The following KIAA1328 variants were observed in gnomAD, a reference collection of about 807,000 sequenced individuals.
KIAA1328 encodes the protein protein hinderin.
A neutral mutation model predicts 68.1 loss-of-function variants in KIAA1328; 52 were observed. The ratio of observed to expected loss-of-function variants is 0.76; its 90% CI spans 0.61 to 0.96. KIAA1328 has a LOEUF of 0.96. KIAA1328 is among the 40% of genes least tolerant of loss of function. The pLI is 0.00. For synonymous variants in KIAA1328, 232 were observed against 239.4 expected (o/e 0.97, Z 0.28); for missense variants, 641 against 677.6 (o/e 0.95, Z 0.60).
At chr18:37,227,748 G>A (rs142176686), downstream of KIAA1328, among the ~76,000 whole-genome samples, 158 of 152,306 alleles carry the variant, frequency 1.0e-3, 2 homozygotes, top group African/African-American at 3.8e-3. Flanking sequence ...TTGTTTTCAT[G>A]CCTCCTAACA....
intron 6 of KIAA1328, among the ~76,000 whole-genome samples, chr18:37,019,263 A>T (rs1314571667): frequency 6.7e-6 from 1 of 149,758 alleles, no homozygotes; most frequent in African/African-American, 2.5e-5. Context: ...GGCAGGTTTT[A>T]TATTTGGCTG....
chr18:37,042,202 A>G (rs776719249), intron 6 of KIAA1328, among the ~76,000 whole-genome samples: 3 of 152,118 alleles, frequency 2.0e-5, no homozygotes, highest in Non-Finnish European at 2.9e-5. Flanking sequence ...CTAGCCATAT[A>G]TTTATGTTAT....
intron 7 of KIAA1328, chr18:37,075,576 T>C (rs926984695): frequency 6.6e-6 from 1 of 152,142 alleles, no homozygotes; most frequent in African/African-American, 2.4e-5. Context: ...GTGTGCTGTT[T>C]TCAGGAAACC....
intron 5 of KIAA1328, among the ~76,000 whole-genome samples, chr18:36,949,405 C>T (rs1406122497): frequency 1.3e-5 from 2 of 152,108 alleles, no homozygotes; most frequent in South Asian, 2.1e-4. Context: ...TCTGGTCCAT[C>T]TGGCACATTG....
chr18:37,061,696 G>A (rs774351789), intron 6 of KIAA1328, among the ~76,000 whole-genome samples: 1 of 152,124 alleles, frequency 6.6e-6, no homozygotes, highest in Non-Finnish European at 1.5e-5. Flanking sequence ...TTACTTCCTT[G>A]TGTCCTAAAG....
At chr18:37,036,987 T>C (rs979365492) in intron 6 of KIAA1328, among the ~76,000 whole-genome samples, 2 of 152,182 alleles carry the variant, frequency 1.3e-5, no homozygotes, top group Non-Finnish European at 2.9e-5. Context: ...AAAATTTTCT[T>C]GTAGTAATTT....
intron 7 of KIAA1328, among the ~76,000 whole-genome samples, chr18:37,087,198 G>T (rs2057129664): frequency 6.6e-6 from 1 of 151,616 alleles, no homozygotes; most frequent in African/African-American, 2.4e-5. Context: ...AGCTAGGACT[G>T]CAGGTGCATG....
rs376712393 is a variant in KIAA1328, at chr18:36,975,663, C to T, written c.576+16228C>T. 5.9e-5 allele frequency among the ~76,000 whole-genome samples: 9 copies of T among 152,288 alleles called. No homozygotes were observed. The South Asian group carries it at 1.7e-3, about 28-fold the overall frequency. On this transcript the variant is annotated intron_variant, in intron 6 of 9. Coordinates refer to ENST00000280020, the MANE Select transcript of KIAA1328 (RefSeq NM_020776.3). ...GTTAAGTCTTCTCATAAGTTAACTT[C>T]CTTCAACTGCCTGTTAACAAAGTTA...
intron 4 of KIAA1328, among the ~76,000 whole-genome samples, chr18:36,883,273 C>A (rs1044544585): frequency 6.6e-6 from 1 of 152,094 alleles, no homozygotes; most frequent in African/African-American, 2.4e-5. Flanking sequence ...TGAGCACTGG[C>A]GTGATGCTAA....
intron 4 of KIAA1328, among the ~76,000 whole-genome samples, chr18:36,881,855 A>G (rs967529578): frequency 3.9e-5 from 6 of 152,184 alleles, no homozygotes; most frequent in Non-Finnish European, 7.3e-5. Flanking sequence ...CTATTCATCC[A>G]TTGATAGATG....
chr18:36,842,206 G>T (rs2046882021), intron 3 of KIAA1328, among the ~76,000 whole-genome samples: 1 of 151,966 alleles, frequency 6.6e-6, no homozygotes, highest in South Asian at 2.1e-4. Flanking sequence ...TAGAGGAGGG[G>T]CCCCTTAAAG....
chr18:36,898,836 A>G (rs1478132026), intron 5 of KIAA1328, among the ~76,000 whole-genome samples: 1 of 151,944 alleles, frequency 6.6e-6, no homozygotes, highest in Admixed American at 6.6e-5. Context: ...TAAGTTTTGT[A>G]TGTTGATTTT....
In KIAA1328 at chr18:37,053,012, C is replaced by CA. The variant is rs562110421; in HGVS notation, c.577-13873dup. On this transcript the variant is annotated intron_variant, in intron 6 of 9. Coordinates refer to ENST00000280020, the MANE Select transcript of KIAA1328 (RefSeq NM_020776.3). Reference sequence around the variant, plus strand: ...AGCAGTTCTAAAATTCATATGGAACCAAAAATGAGTGCAAATAGCCAAAGC... The same window carrying CA: ...AGCAGTTCTAAAATTCATATGGAACCAAAAAATGAGTGCAAATAGCCAAAGC... 4.6e-3 allele frequency among the ~76,000 whole-genome samples: 694 copies of CA among 152,158 alleles called. 5 individuals are homozygous for CA. Among genetic ancestry groups the CA allele is most frequent in the South Asian group, 0.021 (103 of 4,822 alleles).
intron 7 of KIAA1328, among the ~76,000 whole-genome samples, chr18:37,152,080 T>G (rs1403465219): frequency 6.9e-6 from 1 of 145,524 alleles, no homozygotes; most frequent in Non-Finnish European, 1.5e-5. Flanking sequence ...AGGTTCTTAG[T>G]TGGAATGGAC....
intron 8 of KIAA1328, among the ~76,000 whole-genome samples, chr18:37,164,555 G>A (rs954176651): frequency 6.6e-6 from 1 of 152,026 alleles, no homozygotes; most frequent in Non-Finnish European, 1.5e-5. Flanking sequence ...GACCAGCCTG[G>A]CCAACATGGT....
At chr18:37,048,470 T>C (rs1271505216) in intron 6 of KIAA1328, among the ~76,000 whole-genome samples, 2 of 152,204 alleles carry the variant, frequency 1.3e-5, no homozygotes, top group Non-Finnish European at 2.9e-5. Context: ...TCAAGTATTA[T>C]GTCTTACAAC....
At chr18:36,966,390 A>G (rs915981258) in intron 6 of KIAA1328, among the ~76,000 whole-genome samples, 3 of 152,350 alleles carry the variant, frequency 2.0e-5, no homozygotes, top group South Asian at 2.1e-4. Flanking sequence ...GAATAAAACA[A>G]TAATAATCCT....
At chr18:37,004,656 G>A (rs2053712318) in intron 6 of KIAA1328, among the ~76,000 whole-genome samples, 1 of 152,114 alleles carries the variant, frequency 6.6e-6, no homozygotes, top group Non-Finnish European at 1.5e-5. Flanking sequence ...TGGTAGGAAT[G>A]TAAAGTAGTA....
chr18:37,134,946 G>A (rs1419444705), intron 7 of KIAA1328, among the ~76,000 whole-genome samples: 1 of 152,268 alleles, frequency 6.6e-6, no homozygotes, highest in East Asian at 1.9e-4. Flanking sequence ...GTGAGAACAT[G>A]TGCTATTTGG....
Sources: allele counts gnomAD v4.1 joint callset (sites outside exome capture counted in the v4.1 genomes callset), GRCh38; gene constraint gnomAD v4.1.1; transcripts MANE v1.5; gene names NCBI Gene and HGNC (gene_info 2026-07-23, HGNC 2026-07-21).